The following STRN4 variants were observed in gnomAD, a reference collection of about 807,000 sequenced individuals.
The protein encoded by STRN4 is striatin 4.
Under a neutral mutation model 77.9 loss-of-function variants are expected in STRN4, and 27 were observed. That is an observed-to-expected ratio of 0.35 (90% CI 0.26 to 0.48). The LOEUF (loss-of-function observed/expected upper bound fraction) is 0.48, where lower values mean the gene tolerates loss of function less well. STRN4 is among the 20% of genes least tolerant of loss of function. The probability of loss-of-function intolerance (pLI) is 0.99; values close to 1 mark genes in which losing one functional copy is unlikely to be tolerated. For missense variants in STRN4, 798 were observed against 1,049.7 expected (o/e 0.76, Z 3.31); for synonymous variants, 466 against 443.1 (o/e 1.05, Z -0.65).
chr19:46,744,265 G>GA (rs2054529853), intron 1 of STRN4, among the ~76,000 whole-genome samples: 1 of 152,218 alleles, frequency 6.6e-6, no homozygotes, highest in African/African-American at 2.4e-5. Flanking sequence ...CGGAAGTAGA[G>GA]AGTGGGACAG....
Position 46,733,263 on chromosome 19 carries a change from C to A in STRN4, c.540-27G>T. On this transcript the variant is annotated intron_variant, in intron 4 of 17. Transcript: ENST00000263280. This position sits in a 1 kb window ranked among gnomAD's most constrained non-coding sequence, Gnocchi z 4.3. ...TGCAGGGGTGCAGAGCCACGTGGGT[C>A]AGACATCCCCTGGGCTTCTTCATGT... 7 of 1,600,430 alleles carry A rather than the reference C, an allele frequency of 4.4e-6. No individual in the cohort carries two copies. Among genetic ancestry groups the A allele is most frequent in the South Asian group, 1.1e-5 (1 of 90,320 alleles).
intron 7 of STRN4, 72 bp downstream of exon 7, chr19:46,728,546 G>A (rs535197212): frequency 3.6e-5 from 56 of 1,535,152 alleles, no homozygotes; most frequent in South Asian, 2.0e-4. Flanking sequence ...AAGCAGCTGC[G>A]GGCAGCTGAG....
intron 9 of STRN4, 86 bp from the exon 10 acceptor site, chr19:46,725,734 G>A (rs556577650): frequency 7.0e-5 from 104 of 1,495,582 alleles, no homozygotes; most frequent in African/African-American, 1.5e-4. Context: ...GAGGGCCCCT[G>A]TCTTCCACCC....
chr19:46,734,399 G>A (rs1182511981), intron 4 of STRN4, among the ~76,000 whole-genome samples: 2 of 152,176 alleles, frequency 1.3e-5, no homozygotes, highest in East Asian at 3.8e-4. Flanking sequence ...CACACTTTAA[G>A]CTAGCAACCC....
chr19:46,730,922 A>G (rs901818870), intron 5 of STRN4, 49 bp from the exon 6 acceptor site: 2 of 1,597,184 alleles, frequency 1.3e-6, no homozygotes, highest in Non-Finnish European at 1.7e-6. Context: ...GCAGGTGTCA[A>G]AGCTCAGATA....
rs562145006 is a variant in STRN4, at chr19:46,738,540, G to A, written c.386+245C>T. Reference sequence around the variant, plus strand: ...ATTGGAAGGTATAAGGGATAACGGAGGTAAGGACTATACGATATTTGGCGC... The same window carrying A: ...ATTGGAAGGTATAAGGGATAACGGAAGTAAGGACTATACGATATTTGGCGC... On this transcript the variant is annotated intron_variant, in intron 2 of 17. Coordinates refer to ENST00000263280, the MANE Select transcript of STRN4 (RefSeq NM_013403.3). This position sits in a 1 kb window ranked among gnomAD's most constrained non-coding sequence, Gnocchi z 4.5. 6.6e-6 allele frequency among the ~76,000 whole-genome samples: 1 copy of A among 152,326 alleles called. No homozygotes were observed. Among genetic ancestry groups the A allele is most frequent in the East Asian group, 1.9e-4 (1 of 5,188 alleles).
At position 46,725,514 on chromosome 19, in the gene STRN4, C is replaced by G; in HGVS notation, c.1383G>C (p.Thr461=). The change falls in exon 10 of 18, where the codon ACG becomes ACC. Residue 461 remains threonine, a synonymous_variant. Coordinates refer to ENST00000263280, the MANE Select transcript of STRN4 (RefSeq NM_013403.3). ...SALLTASEDG[T]LKLWNLQKAV... ...CCTTCTGCAGGTTCCAGAGCTTGAG[C>G]GTGCCGTCCTCGGAGGCGGTGAGCA... The G allele has an allele frequency of 1.2e-6, 2 of 1,614,162 alleles. No individual in the cohort carries two copies. The highest frequency in any genetic ancestry group is 2.2e-5 in the East Asian group (1 of 44,894).
chr19:46,731,716 C>T (rs755458723), intron 5 of STRN4: 2 of 152,554 alleles, frequency 1.3e-5, no homozygotes, highest in Non-Finnish European at 2.9e-5. Context: ...CTTCCTCCCA[C>T]AACGACACTG....
At position 46,728,902 on chromosome 19, in the gene STRN4, G is replaced by A. The variant is rs1020371197; in HGVS notation, c.880-125C>T. 14 of 1,391,982 alleles carry A rather than the reference G, an allele frequency of 1.0e-5. No individual in the cohort carries two copies. In the African/African-American group the frequency reaches 1.0e-4, roughly 10 times the overall value. 86.2% of individuals were successfully genotyped at this position (1,391,982 alleles called of 1,614,324 possible). ...TTCTGTTCATGGGGCTGCCTCAGCCGCCAGCCAGCTGCCCTGGAGCGCCCC... is the reference window on the plus strand; with the variant it reads ...TTCTGTTCATGGGGCTGCCTCAGCCACCAGCCAGCTGCCCTGGAGCGCCCC... On this transcript the variant is annotated intron_variant, in intron 6 of 17. Transcript: ENST00000263280.
rs1568394531 is a variant in STRN4, at chr19:46,727,962, T to A, written c.1085A>T (p.Asp362Val). The change falls in exon 8 of 18, where the codon GAT (aspartate) becomes GTT (valine). Residue 362 changes from aspartate (D) to valine (V), a missense_variant. By Grantham distance (152) the Asp-to-Val change is radical (BLOSUM62 -3). This residue lies in a region of STRN4 where 511 missense variants were observed against 575.9 expected (regional missense o/e 0.89). Transcript: ENST00000263280. ...CACTTTTGGGGGCAGCCCATCCACA[T>A]CCCGCAGGTCAGCCAGAATGCCTTG... ...KLQGILADLRDVDGLPPKVTG... is the reference protein window; with the variant it reads ...KLQGILADLRVVDGLPPKVTG... 4 of 1,613,882 alleles carry A rather than the reference T, an allele frequency of 2.5e-6. No individual in the cohort carries two copies. The highest frequency in any genetic ancestry group is 3.4e-6 in the Non-Finnish European group (4 of 1,179,896).
intron 16 of STRN4, chr19:46,721,345 GC>G: frequency 6.5e-6 from 1 of 153,450 alleles, no homozygotes; most frequent in Non-Finnish European, 1.5e-5. Flanking sequence ...CTGTCTAGTG[GC>G]CCCCAGAATA....
In STRN4 at chr19:46,746,392, G is replaced by GGCGGCGGCGACC. The variant is rs2054619058; in HGVS notation, c.27_38dup (p.Val10_Ala13dup). On this transcript the variant is annotated inframe_insertion, in exon 1 of 18. Coordinates refer to ENST00000263280, the MANE Select transcript of STRN4 (RefSeq NM_013403.3). Reference sequence around the variant, plus strand: ...AGCCGAGCGGACGGCAGGAGGAGGCGGCGGCGGCGACCGCGGCGGCCGCTC... The same window carrying GGCGGCGGCGACC: ...AGCCGAGCGGACGGCAGGAGGAGGCGGCGGCGGCGACCGCGGCGGCGACCGCGGCGGCCGCTC... 4.6e-6 allele frequency: 5 copies of GGCGGCGGCGACC among 1,087,816 alleles called. No individual in the cohort carries two copies. In the South Asian group the frequency reaches 1.7e-4, roughly 38 times the overall value. The allele number at this position is 1,087,816 out of a possible 1,614,324, so 67.4% of individuals were successfully genotyped here. A position where few individuals can be genotyped will look rare whatever the true frequency, so the allele number is the denominator to read the frequency against.
intron 4 of STRN4, among the ~76,000 whole-genome samples, chr19:46,735,810 C>CA: frequency 1.4e-5 from 2 of 148,126 alleles, no homozygotes; most frequent in African/African-American, 5.0e-5. Flanking sequence ...ACTAAAAATA[C>CA]AAAATTAGCT....
chr19:46,722,781 A>G, intron 14 of STRN4, 29 bp downstream of exon 14: 1 of 1,611,978 alleles, frequency 6.2e-7, no homozygotes, highest in Non-Finnish European at 8.5e-7. Flanking sequence ...ACTGAGACCA[A>G]TTCCATGAGC....
At chr19:46,734,885 C>T (rs1308244225) in intron 4 of STRN4, among the ~76,000 whole-genome samples, 1 of 152,098 alleles carries the variant, frequency 6.6e-6, no homozygotes, top group East Asian at 1.9e-4. Flanking sequence ...AGGATGGTCT[C>T]GATCTCCTGA....
Position 46,722,333 on chromosome 19 carries a change from G to C in STRN4, c.1914C>G (p.Thr638=), listed in dbSNP as rs1038981769. The change falls in exon 15 of 18, where the codon ACC becomes ACG. Residue 638 remains threonine, a synonymous_variant. Transcript: ENST00000263280. ...TLESRGSSGP[T]QINQVVSHPN... is the part of the protein sequence containing the mutation. ...GATGACTCACCACTTGGTTGATCTG[G>C]GTTGGACCTGAAGGAAAACGCAGGA... The C allele has an allele frequency of 3.7e-6, 6 of 1,614,084 alleles. No homozygotes were observed. In the Admixed American group the frequency reaches 8.3e-5, roughly 22 times the overall value.
chr19:46,746,071 G>T, intron 1 of STRN4, 78 bp downstream of exon 1: 1 of 1,210,556 alleles, frequency 8.3e-7, no homozygotes, highest in Non-Finnish European at 1.0e-6. Context: ...GCTCCAAGAT[G>T]GCGGCGGCGG....
At chr19:46,746,036 C>G (rs867253089) in intron 1 of STRN4, 113 bp downstream of exon 1, 24 of 1,227,480 alleles carry the variant, frequency 2.0e-5, no homozygotes, top group African/African-American at 3.3e-5. Context: ...CTCCCGCCCC[C>G]CCGCCGGCCG....
rs758625402 is a variant in STRN4 at position 46,727,621 on chromosome 19, CAG to C, written c.1154-77_1154-76del. ...AGAGGGCCAGGGAGAGAGAGAATGA[CAG>C]AGAGAGGCAGAGAAAGAGATAAAGA... On this transcript the variant is annotated intron_variant, in intron 8 of 17. Coordinates refer to ENST00000263280, the MANE Select transcript of STRN4 (RefSeq NM_013403.3). The C allele has an allele frequency of 3.4e-6, 4 of 1,178,374 alleles. No individual in the cohort carries two copies. The East Asian group carries it at 7.3e-5, about 21-fold the overall frequency. 73.0% of individuals were successfully genotyped at this position (1,178,374 alleles called of 1,614,324 possible).
Sources: allele counts gnomAD v4.1 joint callset (sites outside exome capture counted in the v4.1 genomes callset), GRCh38; gene constraint gnomAD v4.1.1; regional missense constraint gnomAD v4.1.1; non-coding constraint Gnocchi (gnomAD v3.1); transcripts MANE v1.5; gene names NCBI Gene and HGNC (gene_info 2026-07-23, HGNC 2026-07-21).